PATJ: variants seen among roughly 807,000 people sequenced by gnomAD.
PATJ encodes the protein PATJ crumbs cell polarity complex component, also known as inaD-like protein.
Under a neutral mutation model 224.9 loss-of-function variants are expected in PATJ, and 190 were observed. That is an observed-to-expected ratio of 0.84 (90% confidence interval 0.75 to 0.95). The LOEUF is 0.95. PATJ is among the 40% of genes least tolerant of loss of function. The pLI, the probability that PATJ is intolerant of heterozygous loss-of-function variation, is 0.00. For missense variants in PATJ, 2,121 were observed against 2,270.3 expected (o/e 0.93, Z 1.34); for synonymous variants, 769 against 820.3 (o/e 0.94, Z 1.07).
intron 33 of PATJ, among the ~76,000 whole-genome samples, chr1:62,104,576 A>G (rs1490594216): frequency 6.6e-6 from 1 of 152,216 alleles, no homozygotes; most frequent in Non-Finnish European, 1.5e-5. Context: ...GATGAATTAA[A>G]CACAAAACAA....
At chr1:61,888,517 G>C (rs1314753452) in intron 22 of PATJ, among the ~76,000 whole-genome samples, 1 of 151,918 alleles carries the variant, frequency 6.6e-6, no homozygotes, top group African/African-American at 2.4e-5. Context: ...TGAAACTCCT[G>C]GGCTTAAGCA....
At chr1:62,093,938 T>C (rs1368669682) in intron 33 of PATJ, among the ~76,000 whole-genome samples, 1 of 152,230 alleles carries the variant, frequency 6.6e-6, no homozygotes, top group Non-Finnish European at 1.5e-5. Context: ...GAAAACTTGC[T>C]CAGTCTTGAA....
At chr1:61,763,255 T>C (rs1646066988) in intron 3 of PATJ, 76 bp downstream of exon 3, 4 of 861,836 alleles carry the variant, frequency 4.6e-6, no homozygotes, top group Admixed American at 7.1e-5. Flanking sequence ...ATAGAGGAGA[T>C]AGACAAAGAC....
intron 37 of PATJ, 140 bp downstream of exon 37, chr1:62,117,358 G>A (rs1664552777): frequency 1.4e-6 from 2 of 1,428,856 alleles, no homozygotes; most frequent in African/African-American, 2.9e-5. Context: ...ACTTTCATGT[G>A]TTTGAAATAA....
At chr1:61,828,255 AAAAG>A (rs1212229833) in intron 16 of PATJ, among the ~76,000 whole-genome samples, 1 of 152,024 alleles carries the variant, frequency 6.6e-6, no homozygotes, top group Non-Finnish European at 1.5e-5. Flanking sequence ...AAAAAAAAAA[AAAAG>A]AAACTCTATG....
At chr1:61,794,849 G>A (rs1650708601) in intron 9 of PATJ, among the ~76,000 whole-genome samples, 1 of 151,906 alleles carries the variant, frequency 6.6e-6, no homozygotes, top group Non-Finnish European at 1.5e-5. Flanking sequence ...TTATCTGGGT[G>A]TGGTGGTGGG....
At chr1:62,054,421 G>A (rs1654195862) in intron 31 of PATJ, 1 of 354,790 alleles carries the variant, frequency 2.8e-6, no homozygotes, top group African/African-American at 2.1e-5. Flanking sequence ...GCATACTCCA[G>A]TGCTATTTTC....
At chr1:62,026,320 C>T (rs371191601) in intron 29 of PATJ, among the ~76,000 whole-genome samples, 1 of 152,154 alleles carries the variant, frequency 6.6e-6, no homozygotes, top group East Asian at 1.9e-4. Context: ...AATGTTAATT[C>T]AGTGTCATGT....
chr1:62,056,561 A>G (rs1357331636), intron 31 of PATJ, among the ~76,000 whole-genome samples: 5 of 152,006 alleles, frequency 3.3e-5, no homozygotes, highest in Non-Finnish European at 5.9e-5. Flanking sequence ...CTGGTGGATC[A>G]CCTGAGGTCA....
At chr1:62,153,819 A>G (rs1319096543) in intron 43 of PATJ, among the ~76,000 whole-genome samples, 5 of 152,226 alleles carry the variant, frequency 3.3e-5, no homozygotes, top group Non-Finnish European at 1.5e-5. Flanking sequence ...AACAAAAAAA[A>G]GATTTGGCTT....
chr1:61,824,855 A>G (rs1657957853), intron 15 of PATJ, among the ~76,000 whole-genome samples: 1 of 152,144 alleles, frequency 6.6e-6, no homozygotes, highest in African/African-American at 2.4e-5. Flanking sequence ...CCATCAGCTG[A>G]ATTCTGTATG....
intron 26 of PATJ, among the ~76,000 whole-genome samples, chr1:61,923,619 A>T (rs1158285508): frequency 6.6e-6 from 1 of 152,090 alleles, no homozygotes; most frequent in Admixed American, 6.6e-5. Context: ...CATTCACTTT[A>T]AAAAAAGAGA....
intron 15 of PATJ, among the ~76,000 whole-genome samples, chr1:61,823,933 G>C (rs1270505898): frequency 6.6e-6 from 1 of 152,148 alleles, no homozygotes; most frequent in Admixed American, 6.6e-5. Flanking sequence ...CATAAGCATG[G>C]GAGGGTAGGG....
chr1:61,780,301 T>TA (rs1261051871), intron 7 of PATJ, among the ~76,000 whole-genome samples: 1 of 151,982 alleles, frequency 6.6e-6, no homozygotes, highest in African/African-American at 2.4e-5. Context: ...CCGTCGCTAC[T>TA]AAAAATACAA....
intron 41 of PATJ, among the ~76,000 whole-genome samples, chr1:62,131,925 T>C (rs1666308571): frequency 6.6e-6 from 1 of 151,912 alleles, no homozygotes; most frequent in South Asian, 2.1e-4. Flanking sequence ...TGGAGTGCAC[T>C]GCAACCTCCC....
chr1:61,885,398 CA>C (rs1289151018), intron 22 of PATJ, among the ~76,000 whole-genome samples: 6 of 152,184 alleles, frequency 3.9e-5, no homozygotes, highest in African/African-American at 1.4e-4. Flanking sequence ...CAAAAGAAGA[CA>C]TTTATGCAGC....
At chr1:62,085,823 TAAA>T (rs781768840) in intron 33 of PATJ, among the ~76,000 whole-genome samples, 2 of 118,642 alleles carry the variant, frequency 1.7e-5, no homozygotes, top group Non-Finnish European at 1.8e-5. Context: ...TGTCTCTGTT[TAAA>T]AAAAAAAAAA....
At chr1:61,968,951 G>T (rs1682561040) in intron 27 of PATJ, among the ~76,000 whole-genome samples, 1 of 152,192 alleles carries the variant, frequency 6.6e-6, no homozygotes, top group African/African-American at 2.4e-5. Context: ...TACTTTAGAT[G>T]TTTTGTGTAA....
intron 43 of PATJ, among the ~76,000 whole-genome samples, chr1:62,158,758 G>A (rs1438870025): frequency 7.1e-6 from 1 of 140,192 alleles, no homozygotes; most frequent in Non-Finnish European, 1.5e-5. Flanking sequence ...AGACCAGCTT[G>A]GCCAACATAG....
Sources: allele counts gnomAD v4.1 joint callset (sites outside exome capture counted in the v4.1 genomes callset), GRCh38; gene constraint gnomAD v4.1.1; transcripts MANE v1.5; gene names NCBI Gene and HGNC (gene_info 2026-07-23, HGNC 2026-07-21).